The following MTMR1 variants were observed in gnomAD, a reference collection of about 807,000 sequenced individuals.
MTMR1 encodes phosphatidylinositol-3-phosphate phosphatase MTMR1.
Under a neutral mutation model 51.6 loss-of-function variants are expected in MTMR1, and 17 were observed. That is an observed-to-expected ratio of 0.33 (90% confidence interval 0.23 to 0.49). The LOEUF (loss-of-function observed/expected upper bound fraction) is 0.49, where lower values mean the gene tolerates loss of function less well. Among genes scored for constraint, MTMR1 ranks in the 20% least tolerant of loss-of-function variants. MTMR1 has a pLI of 0.99. For missense variants in MTMR1, 386 were observed against 526.9 expected, an observed-to-expected ratio of 0.73 and a Z score of 2.62; for synonymous variants, 201 against 205.6, an observed-to-expected ratio of 0.98 and a Z score of 0.19.
intron 1 of MTMR1, among the ~76,000 whole-genome samples, chrX:150,698,339 A>T (rs781823990): frequency 8.9e-4 from 99 of 111,052 alleles, no homozygotes; most frequent in Non-Finnish European, 1.4e-3. Flanking sequence ...TAAGTTGTCA[A>T]AGCACTTATA....
At chrX:150,724,350 C>CT (rs1874267032) in intron 4 of MTMR1, among the ~76,000 whole-genome samples, 1 of 110,140 alleles carries the variant, frequency 9.1e-6, no homozygotes, top group Admixed American at 9.7e-5. Flanking sequence ...TGATACTGAG[C>CT]TTTTTTTTCA....
At chrX:150,742,153 G>A (rs1316181675) in intron 12 of MTMR1, among the ~76,000 whole-genome samples, 1 of 112,045 alleles carries the variant, frequency 8.9e-6, no homozygotes, top group Admixed American at 9.4e-5. Flanking sequence ...GCATCATTAG[G>A]TGATTTTGTA....
chrX:150,761,841 A>G (rs1188295783), intron 15 of MTMR1, among the ~76,000 whole-genome samples: 2 of 112,543 alleles, frequency 1.8e-5, no homozygotes, highest in Non-Finnish European at 3.8e-5. Context: ...TGCTATGACT[A>G]TAAAATAGCA....
At chrX:150,702,160 G>A (rs782207319) in intron 2 of MTMR1, among the ~76,000 whole-genome samples, 9 of 104,405 alleles carry the variant, frequency 8.6e-5, no homozygotes, top group Non-Finnish European at 1.8e-4. Context: ...GGGCTCGAGC[G>A]ATCCTCCCAT....
At chrX:150,743,386 G>C (rs2042488856) in intron 12 of MTMR1, among the ~76,000 whole-genome samples, 1 of 111,627 alleles carries the variant, frequency 9.0e-6, no homozygotes, top group African/African-American at 3.3e-5. Flanking sequence ...GGGTGACAGA[G>C]CGAGGCCCTG....
At chrX:150,698,135 A>T (rs1173535113) in intron 1 of MTMR1, among the ~76,000 whole-genome samples, 1 of 111,228 alleles carries the variant, frequency 9.0e-6, no homozygotes, top group Non-Finnish European at 1.9e-5. Context: ...TACTAAAAAT[A>T]CAAAAATTAG....
intron 4 of MTMR1, 51 bp from the exon 5 acceptor site, chrX:150,727,164 T>A: frequency 1.2e-6 from 1 of 833,391 alleles, no homozygotes; most frequent in East Asian, 3.2e-5. Context: ...TTAAGTTTTA[T>A]GGAAGCACAA....
At chrX:150,762,479 G>C in intron 15 of MTMR1, 86 bp from the exon 16 acceptor site, 3 of 1,135,791 alleles carry the variant, frequency 2.6e-6, no homozygotes, top group Non-Finnish European at 3.6e-6. Context: ...ATGGTGAAAA[G>C]CTCCTGAAGC....
rs2040545344 is a variant in MTMR1 at position 150,693,439 on chromosome X, G to C, written c.-92G>C. On this transcript the variant is annotated 5_prime_UTR_variant, in exon 1 of 16. Transcript: ENST00000445323. ...CCGCCTGAGGCGGGCGGGCGGTATA[G>C]AGCGGGCGGCAGGAGGCAAGCAGCG... 1 of 752,600 alleles carries C rather than the reference G, an allele frequency of 1.3e-6. No individual in the cohort carries two copies. The highest frequency in any genetic ancestry group is 6.6e-5 in the South Asian group (1 of 15,172). 62.0% of individuals were successfully genotyped at this position (752,600 alleles called of 1,213,427 possible).
At chrX:150,736,896 A>T in intron 11 of MTMR1, 116 bp downstream of exon 11, 1 of 735,460 alleles carries the variant, frequency 1.4e-6, no homozygotes, top group South Asian at 3.3e-5. Context: ...CTTATTCAAT[A>T]GTTTCCATGG....
chrX:150,745,345 T>A (rs1235575732), intron 13 of MTMR1, among the ~76,000 whole-genome samples: 1 of 111,681 alleles, frequency 9.0e-6, no homozygotes, highest in Non-Finnish European at 1.9e-5. Flanking sequence ...CACCAGGAGC[T>A]CTGGCCTTGG....
chrX:150,731,021 A>G (rs1352552297), intron 8 of MTMR1, among the ~76,000 whole-genome samples: 1 of 112,121 alleles, frequency 8.9e-6, no homozygotes, highest in Non-Finnish European at 1.9e-5. Context: ...GTCAGCTTCA[A>G]ATTATTCCAC....
chrX:150,730,187 G>C lies in MTMR1; in HGVS notation c.634G>C (p.Ala212Pro). The C allele has an allele frequency of 8.3e-7, 1 of 1,200,250 alleles. No individual in the cohort carries two copies. Among genetic ancestry groups the C allele is most frequent in the Non-Finnish European group, 1.1e-6 (1 of 888,733 alleles). The change falls in exon 7 of 16, where the codon GCA (alanine) becomes CCA (proline). Residue 212 changes from alanine (A) to proline (P), a missense_variant. Physicochemically the swap from Ala to Pro is conservative, Grantham distance 27. Transcript: ENST00000445323. ...LGIFENLNKHAFPLSNGQALF... is the reference protein window; with the variant it reads ...LGIFENLNKHPFPLSNGQALF... ...GATATTTGAAAACCTCAACAAACAT[G>C]CATTTCCTCTTTCTAACGGACAGGT...
intron 6 of MTMR1, among the ~76,000 whole-genome samples, chrX:150,728,613 A>G (rs1411428410): frequency 9.0e-6 from 1 of 111,250 alleles, no homozygotes; most frequent in Non-Finnish European, 1.9e-5. Flanking sequence ...TTTAAGTAGA[A>G]ATGTGTGTGA....
In MTMR1 at chrX:150,738,417, T is replaced by A. The variant is rs1422740360; in HGVS notation, c.1473+969T>A. On this transcript the variant is annotated intron_variant, in intron 12 of 15. Transcript: ENST00000445323. ...CTTGGATTGTTCCCACCTTTGCTAT[T>A]GTGAAGAATACTGCGTGAATGTTAG... Among the ~76,000 whole-genome samples the A allele has an allele frequency of 2.7e-5, 3 of 112,451 alleles. No homozygotes were observed. In the East Asian group the frequency reaches 8.3e-4, roughly 31 times the overall value.
At chrX:150,725,470 G>T (rs1453788401) in intron 4 of MTMR1, among the ~76,000 whole-genome samples, 3 of 111,538 alleles carry the variant, frequency 2.7e-5, no homozygotes, top group African/African-American at 9.8e-5. Context: ...GGAGCTTTTG[G>T]GTCGAGACTA....
At chrX:150,752,417 C>T (rs1403540075) in intron 14 of MTMR1, among the ~76,000 whole-genome samples, 1 of 111,253 alleles carries the variant, frequency 9.0e-6, no homozygotes. Context: ...TGCCTCTCCC[C>T]TGCTTCCCAC....
chrX:150,747,936 A>T (rs1557417498), intron 13 of MTMR1, among the ~76,000 whole-genome samples: 1 of 112,125 alleles, frequency 8.9e-6, no homozygotes, highest in Non-Finnish European at 1.9e-5. Context: ...ATCATAAATG[A>T]GGTGGTTTAT....
intron 14 of MTMR1, among the ~76,000 whole-genome samples, chrX:150,751,460 A>C (rs902032518): frequency 9.0e-6 from 1 of 111,531 alleles, no homozygotes. Context: ...ACAGTATAGA[A>C]TTCAGGAGAA....
Sources: gnomAD v4.1 joint callset for allele counts (sites outside exome capture counted in the v4.1 genomes callset) on GRCh38, gnomAD v4.1.1 for gene constraint, MANE v1.5 for transcripts, NCBI Gene and HGNC (gene_info 2026-07-23, HGNC 2026-07-21) for gene names.